Variants in GNPDA2 observed in about 807,000 individuals in gnomAD.
GNPDA2 encodes the protein glucosamine-6-phosphate deaminase 2.
GNPDA2 carries 24 observed loss-of-function variants against 27.0 expected under a neutral mutation model. That is an observed-to-expected ratio of 0.89 (90% confidence interval 0.64 to 1.25). The LOEUF (loss-of-function observed/expected upper bound fraction) is 1.25, where lower values mean the gene tolerates loss of function less well. Among genes scored for constraint, GNPDA2 ranks in the 50% most tolerant of loss-of-function variants. The probability of loss-of-function intolerance (pLI) is 0.00; values close to 1 mark genes in which losing one functional copy is unlikely to be tolerated. For synonymous variants in GNPDA2, 94 were observed against 108.4 expected (o/e 0.87, Z 0.83); for missense variants, 286 against 335.1 (o/e 0.85, Z 1.14).
At chr4:44,725,786 C>T (rs1717974460) in intron 1 of GNPDA2, among the ~76,000 whole-genome samples, 1 of 152,126 alleles carries the variant, frequency 6.6e-6, no homozygotes, top group African/African-American at 2.4e-5. Context: ...CATCAAAAAA[C>T]AACAGAGCAC....
chr4:44,703,110 G>C lies in GNPDA2; in HGVS notation c.802C>G (p.Pro268Ala). The change falls in exon 7 of 7, where the codon CCA becomes GCA. Residue 268 changes from proline to alanine, a missense_variant. By Grantham distance (27) the Pro-to-Ala change is conservative. Transcript: ENST00000295448. ...TTTCCATCTTTCATACTGAATAGTG[G>C]ATCCACAAGTTTATTGTGCACATGC... Reference protein sequence around the residue: ...LMHVHNKLVDPLFSMKDGN With the variant: ...LMHVHNKLVDALFSMKDGN 2 of 1,611,796 alleles carry C rather than the reference G, an allele frequency of 1.2e-6. No homozygotes were observed. The highest frequency in any genetic ancestry group is 1.7e-6 in the Non-Finnish European group (2 of 1,178,958).
chr4:44,718,003 A>G (rs1398070361), intron 3 of GNPDA2, among the ~76,000 whole-genome samples: 1 of 151,888 alleles, frequency 6.6e-6, no homozygotes, highest in Admixed American at 6.6e-5. Context: ...AAAAAAGAGA[A>G]TAAGAAATGT....
At chr4:44,715,845 T>C (rs1717251411) in intron 4 of GNPDA2, among the ~76,000 whole-genome samples, 1 of 152,038 alleles carries the variant, frequency 6.6e-6, no homozygotes, top group South Asian at 2.1e-4. Context: ...AAGTAAAAAC[T>C]ATCTTAAAGA....
At chr4:44,716,390 TTTTAG>T (rs1428977917) in intron 4 of GNPDA2, among the ~76,000 whole-genome samples, 2 of 151,942 alleles carry the variant, frequency 1.3e-5, no homozygotes, top group South Asian at 2.1e-4. Context: ...AAAATTTTGA[TTTTAG>T]TTTAGTTGAT....
chr4:44,717,900 A>G (rs1187084273), intron 3 of GNPDA2, among the ~76,000 whole-genome samples: 1 of 151,926 alleles, frequency 6.6e-6, no homozygotes, highest in Non-Finnish European at 1.5e-5. Flanking sequence ...AGGGCTACCA[A>G]TATAGCTTTT....
intron 2 of GNPDA2, among the ~76,000 whole-genome samples, chr4:44,720,101 A>G (rs1056750778): frequency 1.3e-5 from 2 of 152,176 alleles, no homozygotes; most frequent in Non-Finnish European, 1.5e-5. Context: ...TACACTTTCA[A>G]CAAAGAGGAA....
In GNPDA2 at chr4:44,702,485, C is replaced by G. The variant is rs1345845121; in HGVS notation, c.*596G>C. ...AAGGTGCACAAAAAACATGCACTTA[C>G]ACATACTTTCCAAAAGGATGTAAAC... On this transcript the variant is annotated 3_prime_UTR_variant, in exon 7 of 7. Transcript: ENST00000295448. The G allele has an allele frequency of 1.0e-6, 1 of 983,390 alleles. No individual in the cohort carries two copies. The highest frequency in any genetic ancestry group is 1.7e-5 in the African/African-American group (1 of 57,150). 60.9% of individuals were successfully genotyped at this position (983,390 alleles called of 1,614,324 possible).
In GNPDA2 at chr4:44,705,162, T is replaced by C. The variant is rs939641622; in HGVS notation, c.770-2020A>G. The C allele has an allele frequency of 3.0e-6, 3 of 984,264 alleles. No homozygotes were observed. The Admixed American group carries it at 1.9e-4, about 61-fold the overall frequency. 61.0% of individuals were successfully genotyped at this position (984,264 alleles called of 1,614,324 possible). On this transcript the variant is annotated intron_variant, in intron 6 of 6. Coordinates refer to ENST00000295448, the MANE Select transcript of GNPDA2 (RefSeq NM_138335.3). ...GTGATGACAGAAGAAAGGGTAGTGA[T>C]GTGAATGGAATTTGAAGAGTTATGG... is the stretch of plus-strand genomic sequence containing the variant.
chr4:44,716,557 A>C (rs1190005550), intron 4 of GNPDA2, among the ~76,000 whole-genome samples: 1 of 151,928 alleles, frequency 6.6e-6, no homozygotes, highest in Non-Finnish European at 1.5e-5. Flanking sequence ...AATTTGGTAA[A>C]TTAAACATTA....
intron 1 of GNPDA2, among the ~76,000 whole-genome samples, chr4:44,724,908 T>A (rs528858360): frequency 6.6e-6 from 1 of 152,158 alleles, no homozygotes; most frequent in Non-Finnish European, 1.5e-5. Flanking sequence ...TAATCCATAA[T>A]CTAATGTCAA....
At chr4:44,713,900 G>A (rs1200425048) in intron 4 of GNPDA2, among the ~76,000 whole-genome samples, 2 of 152,012 alleles carry the variant, frequency 1.3e-5, no homozygotes, top group African/African-American at 4.8e-5. Flanking sequence ...AAAAACCCAA[G>A]ACACTACTGC....
chr4:44,707,083 A>C (rs1164011518), intron 6 of GNPDA2: 1 of 152,030 alleles, frequency 6.6e-6, no homozygotes, highest in Admixed American at 6.6e-5. Context: ...GTATAGGCAA[A>C]ATGTCCCTTG....
chr4:44,711,200 G>T, intron 4 of GNPDA2, 63 bp from the exon 5 acceptor site: 1 of 1,040,774 alleles, frequency 9.6e-7, no homozygotes, highest in Non-Finnish European at 1.3e-6. Context: ...AGTTCAATGT[G>T]CGTTAAAGAA....
At position 44,710,983 on chromosome 4, in the gene GNPDA2, AAC is replaced by A. The variant is rs1716940975; in HGVS notation, c.562_563del (p.Val188TrpfsTer9). The part of the protein sequence containing the change: ...LSKVPTMALT[V>X]GVGTVMDARE... ...TAGCATCCATCACTGTCCCCACACC[AAC>A]AGTTAGAGCCATAGTTGGCACTTTT... On this transcript the variant is annotated frameshift_variant, in exon 5 of 7. Transcript: ENST00000295448. LOFTEE classifies it high-confidence loss of function. The A allele has an allele frequency of 6.2e-7, 1 of 1,611,400 alleles. No individual in the cohort carries two copies. The highest frequency in any genetic ancestry group is 1.3e-5 in the African/African-American group (1 of 74,756).
At chr4:44,705,181 G>T in intron 6 of GNPDA2, 1 of 982,430 alleles carries the variant, frequency 1.0e-6, no homozygotes, top group Non-Finnish European at 1.2e-6. Context: ...AATTTGAAGA[G>T]TTATGGATGA....
At chr4:44,717,859 A>G (rs1427098784) in intron 3 of GNPDA2, among the ~76,000 whole-genome samples, 1 of 151,944 alleles carries the variant, frequency 6.6e-6, no homozygotes, top group African/African-American at 2.4e-5. Flanking sequence ...GATTTCAGGT[A>G]GGCAAGTTAA....
intron 4 of GNPDA2, chr4:44,714,461 T>C: frequency 1.0e-6 from 1 of 985,368 alleles, no homozygotes; most frequent in Non-Finnish European, 1.2e-6. Context: ...ACCTCTGCTC[T>C]AATTCCCTGG....
At chr4:44,709,704 T>C (rs913469362) in intron 5 of GNPDA2, among the ~76,000 whole-genome samples, 15 of 151,262 alleles carry the variant, frequency 9.9e-5, no homozygotes, top group African/African-American at 3.7e-4. Flanking sequence ...TATTAAATCC[T>C]CCACCATCCC....
intron 4 of GNPDA2, chr4:44,714,517 T>C: frequency 3.0e-6 from 3 of 985,426 alleles, no homozygotes; most frequent in Non-Finnish European, 3.6e-6. Context: ...CTCATTCTAC[T>C]GTTTCCAATT....
Sources: allele counts gnomAD v4.1 joint callset (sites outside exome capture counted in the v4.1 genomes callset), GRCh38; gene constraint gnomAD v4.1.1; transcripts MANE v1.5; gene names NCBI Gene and HGNC (gene_info 2026-07-23, HGNC 2026-07-21).